CSGALNACT1: variants seen among roughly 807,000 people sequenced by gnomAD.
CSGALNACT1 encodes chondroitin sulfate N-acetylgalactosaminyltransferase 1, also known as beta4GalNAcT-1.
CSGALNACT1 carries 52 observed loss-of-function variants against 51.0 expected under a neutral mutation model. The observed-to-expected ratio is 1.02, with a 90% CI of 0.82 to 1.29. The LOEUF is 1.29. Among genes scored for constraint, CSGALNACT1 ranks in the 50% most tolerant of loss-of-function variants. CSGALNACT1 has a pLI of 0.00. For missense variants in CSGALNACT1, 935 were observed against 679.2 expected (o/e 1.38, Z -4.19); for synonymous variants, 341 against 254.4 (o/e 1.34, Z -3.24).
At chr8:19,735,524 C>A (rs78993851) in intron 1 of CSGALNACT1, among the ~76,000 whole-genome samples, 3 of 91,150 alleles carry the variant, frequency 3.3e-5, no homozygotes, top group South Asian at 3.1e-4. Context: ...AGAAAAAAAA[C>A]CATGCTGCAA....
intron 1 of CSGALNACT1, among the ~76,000 whole-genome samples, chr8:19,638,779 A>C (rs2056408019): frequency 6.6e-6 from 1 of 151,952 alleles, no homozygotes; most frequent in South Asian, 2.1e-4. Flanking sequence ...GCTCCCCACC[A>C]AGAAAGAGCT....
At chr8:19,468,899 G>C (rs1035851351) in intron 4 of CSGALNACT1, among the ~76,000 whole-genome samples, 1 of 152,144 alleles carries the variant, frequency 6.6e-6, no homozygotes, top group African/African-American at 2.4e-5. Flanking sequence ...TAAGAAGAAT[G>C]AGCTCAGGAT....
In CSGALNACT1 at chr8:19,554,610, A is replaced by G. The variant is rs376586117; in HGVS notation, c.-297+36550T>C. Among the ~76,000 whole-genome samples the G allele has an allele frequency of 2.0e-3, 312 of 152,382 alleles. 9 individuals are homozygous for G. The South Asian group carries it at 0.059, about 29-fold the overall frequency. ...AAGCATAAAATTTTCAGATACAATGATAACATCAGAAAAGGCAGTTATATA... is the reference window on the plus strand; with the variant it reads ...AAGCATAAAATTTTCAGATACAATGGTAACATCAGAAAAGGCAGTTATATA... On this transcript the variant is annotated intron_variant, in intron 3 of 9. Transcript: ENST00000454498.
At chr8:19,428,868 T>C (rs2059216100) in intron 6 of CSGALNACT1, among the ~76,000 whole-genome samples, 1 of 132,572 alleles carries the variant, frequency 7.5e-6, no homozygotes, top group Non-Finnish European at 1.7e-5. Context: ...TGTGTGTGTG[T>C]GTGTGTGTAT....
intron 1 of CSGALNACT1, among the ~76,000 whole-genome samples, chr8:19,666,188 G>A (rs1420075323): frequency 6.6e-6 from 1 of 152,180 alleles, no homozygotes; most frequent in Non-Finnish European, 1.5e-5. Flanking sequence ...AAAGGAACAA[G>A]GTATTCTAAC....
At chr8:19,680,339 T>G (rs753867203) in intron 1 of CSGALNACT1, among the ~76,000 whole-genome samples, 38 of 152,328 alleles carry the variant, frequency 2.5e-4, no homozygotes, top group African/African-American at 9.1e-4. Flanking sequence ...GTGGATCACC[T>G]GAGGTCAGAA....
chr8:19,613,340 A>G (rs1437224119), intron 1 of CSGALNACT1, among the ~76,000 whole-genome samples: 1 of 152,232 alleles, frequency 6.6e-6, no homozygotes, highest in Non-Finnish European at 1.5e-5. Context: ...ACCAAAAGTT[A>G]AAATATAGAT....
intron 3 of CSGALNACT1, among the ~76,000 whole-genome samples, chr8:19,550,524 T>A (rs1273991812): frequency 6.6e-6 from 1 of 152,180 alleles, no homozygotes; most frequent in African/African-American, 2.4e-5. Flanking sequence ...TTTTGAAGTT[T>A]TTTTCTTCCC....
At chr8:19,498,919 G>A (rs149463268) in intron 4 of CSGALNACT1, among the ~76,000 whole-genome samples, 2 of 152,288 alleles carry the variant, frequency 1.3e-5, no homozygotes, top group East Asian at 1.9e-4. Flanking sequence ...CTCAAGACCA[G>A]CCTGCGAAAT....
chr8:19,730,419 C>G (rs1444071814), intron 1 of CSGALNACT1, among the ~76,000 whole-genome samples: 1 of 152,138 alleles, frequency 6.6e-6, no homozygotes, highest in Non-Finnish European at 1.5e-5. Context: ...TGCTAGGTGA[C>G]TAAAAATGTT....
chr8:19,707,585 G>C (rs933397983), intron 1 of CSGALNACT1, among the ~76,000 whole-genome samples: 1 of 152,116 alleles, frequency 6.6e-6, no homozygotes, highest in South Asian at 2.1e-4. Flanking sequence ...AATTGAGATT[G>C]TCCCAGGCCA....
At chr8:19,465,331 C>A (rs1207677093) in intron 4 of CSGALNACT1, among the ~76,000 whole-genome samples, 4 of 152,022 alleles carry the variant, frequency 2.6e-5, no homozygotes, top group African/African-American at 9.7e-5. Flanking sequence ...TAGAGGTTGC[C>A]AGGGGCTGGG....
intron 5 of CSGALNACT1, among the ~76,000 whole-genome samples, chr8:19,453,387 A>G (rs2153807117): frequency 6.6e-6 from 1 of 152,358 alleles, no homozygotes; most frequent in Non-Finnish European, 1.5e-5. Context: ...CAGAAAATCA[A>G]ATTACTGACA....
chr8:19,686,258 C>T (rs970184624), upstream of CSGALNACT1, among the ~76,000 whole-genome samples: 1 of 152,090 alleles, frequency 6.6e-6, no homozygotes. Flanking sequence ...TCCATGTCAG[C>T]CAGGACTCTT....
At chr8:19,543,425 G>C (rs2085714527) in intron 3 of CSGALNACT1, among the ~76,000 whole-genome samples, 2 of 152,340 alleles carry the variant, frequency 1.3e-5, no homozygotes, top group Admixed American at 1.3e-4. Flanking sequence ...CGTATGTGAA[G>C]AGTTCTCTAA....
chr8:19,607,144 G>C (rs528527818), upstream of CSGALNACT1, among the ~76,000 whole-genome samples: 50 of 148,490 alleles, frequency 3.4e-4, no homozygotes, highest in African/African-American at 1.2e-3. Context: ...GACAGAGCAA[G>C]ACTCCGTCTC....
intron 1 of CSGALNACT1, among the ~76,000 whole-genome samples, chr8:19,749,749 G>T (rs767883341): frequency 4.6e-5 from 7 of 152,174 alleles, no homozygotes; most frequent in Non-Finnish European, 7.3e-5. Context: ...AGCTCAGAGG[G>T]GGTCAGGGAG....
intron 1 of CSGALNACT1, chr8:19,678,874 A>G (rs2060387592): frequency 6.6e-6 from 1 of 152,198 alleles, no homozygotes; most frequent in Admixed American, 6.5e-5. Context: ...CATTATAATG[A>G]CAGTAACTAC....
At chr8:19,442,543 G>A (rs577355671) in intron 5 of CSGALNACT1, among the ~76,000 whole-genome samples, 89 of 148,708 alleles carry the variant, frequency 6.0e-4, no homozygotes, top group African/African-American at 2.1e-3. Context: ...ACACAGGAAG[G>A]GGAACATCAC....
Sources: allele counts gnomAD v4.1 joint callset (sites outside exome capture counted in the v4.1 genomes callset), GRCh38; gene constraint gnomAD v4.1.1; transcripts MANE v1.5; gene names NCBI Gene and HGNC (gene_info 2026-07-23, HGNC 2026-07-21).